Variants in ENTHD1 observed in about 807,000 individuals in gnomAD.
ENTHD1 encodes the protein ENTH domain containing 1.
Under a neutral mutation model 39.1 loss-of-function variants are expected in ENTHD1, and 23 were observed. That is an observed-to-expected ratio of 0.59 (90% CI 0.42 to 0.83). The LOEUF (loss-of-function observed/expected upper bound fraction) is 0.83. Among genes scored for constraint, ENTHD1 ranks in the 40% least tolerant of loss-of-function variants. ENTHD1 has a pLI of 0.00. For missense variants in ENTHD1, 624 were observed against 705.4 expected, an observed-to-expected ratio of 0.88 and a Z score of 1.31; for synonymous variants, 230 against 258.2, an observed-to-expected ratio of 0.89 and a Z score of 1.05.
intron 1 of ENTHD1, among the ~76,000 whole-genome samples, chr22:39,891,872 G>A (rs1327695666): frequency 2.6e-5 from 4 of 151,774 alleles, no homozygotes; most frequent in East Asian, 1.9e-4. Flanking sequence ...CGCCTGCCTC[G>A]GCCTCCCAGA....
chr22:39,780,161 G>C (rs1227387803), intron 5 of ENTHD1, among the ~76,000 whole-genome samples: 1 of 152,032 alleles, frequency 6.6e-6, no homozygotes, highest in Non-Finnish European at 1.5e-5. Context: ...ATCACTTGAG[G>C]TCAGGAGTTC....
At chr22:39,865,694 A>C (rs942971861) in intron 2 of ENTHD1, among the ~76,000 whole-genome samples, 1 of 152,220 alleles carries the variant, frequency 6.6e-6, no homozygotes, top group Admixed American at 6.5e-5. Context: ...AAAACACATC[A>C]AGATAAAAAG....
chr22:39,851,476 G>C (rs1174424403), intron 3 of ENTHD1, among the ~76,000 whole-genome samples: 2 of 152,100 alleles, frequency 1.3e-5, no homozygotes, highest in South Asian at 4.1e-4. Flanking sequence ...ACTCTTTGGG[G>C]GATTAAGTAT....
At chr22:39,790,472 C>G (rs1273016369) in intron 5 of ENTHD1, among the ~76,000 whole-genome samples, 1 of 152,042 alleles carries the variant, frequency 6.6e-6, no homozygotes, top group Non-Finnish European at 1.5e-5. Flanking sequence ...TTTTTGACAC[C>G]TTCTTCTCAG....
intron 3 of ENTHD1, among the ~76,000 whole-genome samples, chr22:39,858,573 C>G (rs2066114487): frequency 6.6e-6 from 1 of 152,160 alleles, no homozygotes; most frequent in African/African-American, 2.4e-5. Flanking sequence ...GAATCACTAT[C>G]TATGGAAGAT....
intron 3 of ENTHD1, among the ~76,000 whole-genome samples, chr22:39,839,613 A>C (rs962360876): frequency 1.3e-5 from 2 of 152,244 alleles, no homozygotes; most frequent in African/African-American, 4.8e-5. Context: ...AATTAAAATG[A>C]GCTTATTTGG....
chr22:39,848,657 C>T (rs182386368), intron 3 of ENTHD1, among the ~76,000 whole-genome samples: 1 of 152,234 alleles, frequency 6.6e-6, no homozygotes, highest in African/African-American at 2.4e-5. Context: ...TCATCATATT[C>T]ACAGGTTCTG....
At position 39,867,640 on chromosome 22, in the gene ENTHD1, G is replaced by A. The variant is rs1392876066; in HGVS notation, c.350-5633C>T. On this transcript the variant is annotated intron_variant, in intron 2 of 6. Coordinates refer to ENST00000325157, the MANE Select transcript of ENTHD1 (RefSeq NM_152512.4). The surrounding 1 kb of genome is among the most constrained non-coding windows in gnomAD (Gnocchi z 4.5). Reference sequence around the variant, plus strand: ...TCCCTTCCAATCTACCCTCCACAATGCCTTCAGGTAACGCGGTGGGGGTAG... The same window carrying A: ...TCCCTTCCAATCTACCCTCCACAATACCTTCAGGTAACGCGGTGGGGGTAG... 6.6e-6 allele frequency among the ~76,000 whole-genome samples: 1 copy of A among 151,960 alleles called. No individual in the cohort carries two copies. The highest frequency in any genetic ancestry group is 1.5e-5 in the Non-Finnish European group (1 of 67,994).
At chr22:39,799,788 G>A (rs2146614474) in intron 5 of ENTHD1, among the ~76,000 whole-genome samples, 1 of 152,342 alleles carries the variant, frequency 6.6e-6, no homozygotes, top group Admixed American at 6.5e-5. Flanking sequence ...ACAATGACCT[G>A]GGCAGCATTC....
At chr22:39,870,452 T>C (rs928833636) in intron 2 of ENTHD1, among the ~76,000 whole-genome samples, 1 of 151,826 alleles carries the variant, frequency 6.6e-6, no homozygotes, top group African/African-American at 2.4e-5. Flanking sequence ...ATTAAGGTAA[T>C]AGAAAAAAAG....
chr22:39,863,630 C>T (rs1451206825), intron 2 of ENTHD1, among the ~76,000 whole-genome samples: 6 of 152,234 alleles, frequency 3.9e-5, no homozygotes, highest in African/African-American at 4.8e-5. Flanking sequence ...TTACCTTTCT[C>T]CATCTTGGGA....
intron 3 of ENTHD1, among the ~76,000 whole-genome samples, chr22:39,842,937 A>G (rs1186579066): frequency 1.4e-5 from 2 of 147,748 alleles, no homozygotes; most frequent in South Asian, 2.2e-4. Context: ...TTAGAATGGC[A>G]ATCATTAAAA....
intron 3 of ENTHD1, among the ~76,000 whole-genome samples, chr22:39,839,863 A>G (rs1242128969): frequency 1.3e-5 from 2 of 152,248 alleles, no homozygotes; most frequent in African/African-American, 4.8e-5. Flanking sequence ...AAGAAATGTG[A>G]AAGAAAAAAT....
intron 6 of ENTHD1, among the ~76,000 whole-genome samples, chr22:39,762,923 G>GT (rs1182426971): frequency 2.6e-5 from 4 of 151,670 alleles, no homozygotes; most frequent in Non-Finnish European, 5.9e-5. Flanking sequence ...ATTTCTGGCC[G>GT]TTTTTTCATA....
At chr22:39,759,627 G>T (rs529240772) in intron 6 of ENTHD1, among the ~76,000 whole-genome samples, 1 of 151,754 alleles carries the variant, frequency 6.6e-6, no homozygotes, top group African/African-American at 2.4e-5. Flanking sequence ...GGTTTAATTT[G>T]TTCCTTTTTT....
chr22:39,856,852 C>CA (rs34627331), intron 3 of ENTHD1, among the ~76,000 whole-genome samples: 1,444 of 70,084 alleles, frequency 0.021, 13 homozygotes, highest in African/African-American at 0.051. Context: ...GACCCTGTCT[C>CA]AAAAAAAAAA....
At chr22:39,763,455 C>T (rs2065251404) in intron 6 of ENTHD1, among the ~76,000 whole-genome samples, 1 of 152,136 alleles carries the variant, frequency 6.6e-6, no homozygotes, top group South Asian at 2.1e-4. Flanking sequence ...AGCTCAAACT[C>T]CTACCGTGTC....
intron 4 of ENTHD1, among the ~76,000 whole-genome samples, chr22:39,830,614 T>C (rs2065861811): frequency 6.6e-6 from 1 of 152,124 alleles, no homozygotes; most frequent in South Asian, 2.1e-4. Context: ...TAAACAAGCA[T>C]CTTTCACAGG....
At chr22:39,832,321 A>G (rs960109326) in intron 4 of ENTHD1, among the ~76,000 whole-genome samples, 5 of 152,180 alleles carry the variant, frequency 3.3e-5, no homozygotes, top group Admixed American at 1.3e-4. Flanking sequence ...TAAAATAAAT[A>G]AATAAATAAA....
Sources: gnomAD v4.1 joint callset for allele counts (sites outside exome capture counted in the v4.1 genomes callset) on GRCh38, gnomAD v4.1.1 for gene constraint, Gnocchi (gnomAD v3.1) non-coding constraint, MANE v1.5 for transcripts, NCBI Gene and HGNC (gene_info 2026-07-23, HGNC 2026-07-21) for gene names.